Variants in CADM2 observed in about 807,000 individuals in gnomAD.
The protein encoded by CADM2 is immunoglobulin superfamily member 4D.
CADM2 carries 12 observed loss-of-function variants against 49.8 expected under a neutral mutation model. The observed-to-expected ratio is 0.24, with a 90% CI of 0.15 to 0.39. CADM2 has a LOEUF of 0.39. CADM2 is among the 10% of genes least tolerant of loss of function. The pLI, the probability that CADM2 is intolerant of heterozygous loss-of-function variation, is 1.00. For missense variants in CADM2, 378 were observed against 492.3 expected, an observed-to-expected ratio of 0.77 and a Z score of 2.20; for synonymous variants, 214 against 175.4, an observed-to-expected ratio of 1.22 and a Z score of -1.74.
chr3:85,180,005 T>G (rs1475764181), intron 1 of CADM2, among the ~76,000 whole-genome samples: 1 of 152,018 alleles, frequency 6.6e-6, no homozygotes, highest in African/African-American at 2.4e-5. Context: ...GTCTATAAAA[T>G]ATAGGCCTGG....
At chr3:85,918,642 G>C (rs571740986) in intron 6 of CADM2, among the ~76,000 whole-genome samples, 36 of 151,810 alleles carry the variant, frequency 2.4e-4, no homozygotes, top group Middle Eastern at 6.8e-3. Flanking sequence ...CTGCCAGGCA[G>C]AAAGAGAGTT....
chr3:85,737,278 C>T (rs893983890), intron 2 of CADM2, among the ~76,000 whole-genome samples: 5 of 152,208 alleles, frequency 3.3e-5, no homozygotes, highest in African/African-American at 9.6e-5. Flanking sequence ...TACTGATTCT[C>T]GTAATCGAAA....
chr3:85,658,831 A>T (rs2065303422), intron 1 of CADM2, among the ~76,000 whole-genome samples: 1 of 149,908 alleles, frequency 6.7e-6, no homozygotes, highest in African/African-American at 2.4e-5. Flanking sequence ...CAGGAGAATC[A>T]CTTAATGCCA....
chr3:85,728,845 A>G (rs2067814962), intron 2 of CADM2, among the ~76,000 whole-genome samples: 1 of 152,216 alleles, frequency 6.6e-6, no homozygotes, highest in South Asian at 2.1e-4. Context: ...CACTCTTAAA[A>G]CAACAGTTGG....
chr3:85,237,537 A>G (rs2042434343), intron 1 of CADM2, among the ~76,000 whole-genome samples: 1 of 151,234 alleles, frequency 6.6e-6, no homozygotes. Context: ...CTAACATATT[A>G]CTTAGAATAT....
At chr3:85,657,979 T>C (rs1404733918) in intron 1 of CADM2, among the ~76,000 whole-genome samples, 1 of 152,030 alleles carries the variant, frequency 6.6e-6, no homozygotes, top group African/African-American at 2.4e-5. Flanking sequence ...CTCTAATTTG[T>C]ATGTGTTTGG....
chr3:85,857,178 G>A (rs1425329677), intron 3 of CADM2, among the ~76,000 whole-genome samples: 1 of 152,046 alleles, frequency 6.6e-6, no homozygotes, highest in Non-Finnish European at 1.5e-5. Context: ...CATTCATAAG[G>A]GTTCCACTCT....
chr3:85,080,580 C>A (rs1326128637), intron 1 of CADM2, among the ~76,000 whole-genome samples: 1 of 151,958 alleles, frequency 6.6e-6, no homozygotes, highest in Non-Finnish European at 1.5e-5. Flanking sequence ...CCTCAGGTTC[C>A]TTTCTCAATG....
At position 85,794,150 on chromosome 3, in the gene CADM2, G is replaced by A. The variant is rs117917780; in HGVS notation, c.89-7897G>A. Among the ~76,000 whole-genome samples, 330 of 152,094 alleles carry A rather than the reference G, an allele frequency of 2.2e-3. 12 individuals are homozygous for A. The East Asian group carries it at 0.048, about 22-fold the overall frequency. ...TACTTATAATTTTAAAAAGTCTTAA[G>A]ATGTGATACTAATATATCTTTAAGG... On this transcript the variant is annotated intron_variant, in intron 2 of 9. Transcript: ENST00000383699.
chr3:85,328,316 T>C (rs1197527182), intron 1 of CADM2, among the ~76,000 whole-genome samples: 10 of 152,240 alleles, frequency 6.6e-5, no homozygotes, highest in Admixed American at 6.5e-4. Flanking sequence ...CTTCAAATTG[T>C]ATTTTACAGG....
chr3:85,791,452 G>GA (rs1402789765), intron 2 of CADM2, among the ~76,000 whole-genome samples: 2 of 149,822 alleles, frequency 1.3e-5, no homozygotes, highest in Non-Finnish European at 3.0e-5. Context: ...AACTTTCTAA[G>GA]ACACAGGTTC....
intron 1 of CADM2, among the ~76,000 whole-genome samples, chr3:85,606,014 C>T (rs904594587): frequency 6.6e-6 from 1 of 151,976 alleles, no homozygotes; most frequent in South Asian, 2.1e-4. Flanking sequence ...AAGCAGAGTC[C>T]TCATAGGCAC....
At chr3:85,803,852 A>G (rs1272476524) in intron 3 of CADM2, among the ~76,000 whole-genome samples, 1 of 152,160 alleles carries the variant, frequency 6.6e-6, no homozygotes, top group Non-Finnish European at 1.5e-5. Context: ...TGATTGTTTA[A>G]CCAAACATCT....
At chr3:85,044,017 A>ACAGTGG (rs1357958632) in intron 1 of CADM2, among the ~76,000 whole-genome samples, 1 of 152,132 alleles carries the variant, frequency 6.6e-6, no homozygotes, top group Non-Finnish European at 1.5e-5. Flanking sequence ...ATGTGAACAC[A>ACAGTGG]CAGTGGTTCA....
At chr3:85,325,841 T>C (rs1335359853) in intron 1 of CADM2, among the ~76,000 whole-genome samples, 1 of 152,210 alleles carries the variant, frequency 6.6e-6, no homozygotes, top group Non-Finnish European at 1.5e-5. Context: ...AGTGCCATCA[T>C]GATCCAGGGA....
At chr3:85,020,990 G>A (rs1010061782) in intron 1 of CADM2, among the ~76,000 whole-genome samples, 2 of 151,756 alleles carry the variant, frequency 1.3e-5, no homozygotes, top group East Asian at 3.9e-4. Context: ...CAGGGCTCAC[G>A]ACTGTAATTG....
At position 84,974,780 on chromosome 3, in the gene CADM2, C is replaced by A. The variant is rs1233035070; in HGVS notation, c.61+15112C>A. ...AAGATATATCACACTTTATTACTTACCTCATTTCTGTAACATTTAAGATAA... is the reference window on the plus strand; with the variant it reads ...AAGATATATCACACTTTATTACTTAACTCATTTCTGTAACATTTAAGATAA... On this transcript the variant is annotated intron_variant, in intron 1 of 9. Transcript: ENST00000383699. Among the ~76,000 whole-genome samples the A allele has an allele frequency of 9.2e-5, 14 of 151,874 alleles. No individual in the cohort carries two copies. The East Asian group carries it at 2.7e-3, about 29-fold the overall frequency.
intron 3 of CADM2, among the ~76,000 whole-genome samples, chr3:85,878,554 T>C (rs537315631): frequency 3.3e-5 from 5 of 152,206 alleles, no homozygotes; most frequent in African/African-American, 1.2e-4. Flanking sequence ...GTAGATGTAT[T>C]TGAAGTCACA....
chr3:85,193,329 T>C (rs796244588), intron 1 of CADM2, among the ~76,000 whole-genome samples: 62 of 150,540 alleles, frequency 4.1e-4, no homozygotes, highest in African/African-American at 1.4e-3. Flanking sequence ...AAGGAGTCTA[T>C]CTAAAAAATT....
Sources: gnomAD v4.1 joint callset for allele counts (sites outside exome capture counted in the v4.1 genomes callset) on GRCh38, gnomAD v4.1.1 for gene constraint, MANE v1.5 for transcripts, NCBI Gene and HGNC (gene_info 2026-07-23, HGNC 2026-07-21) for gene names.